Variants in PCDH15 observed in about 807,000 individuals in gnomAD.
PCDH15 encodes protocadherin related 15.
A neutral mutation model predicts 178.5 loss-of-function variants in PCDH15; 129 were observed. That is an observed-to-expected ratio of 0.72 (90% CI 0.63 to 0.84). The LOEUF is 0.84. Among genes scored for constraint, PCDH15 ranks in the 40% least tolerant of loss-of-function variants. The pLI, the probability that PCDH15 is intolerant of heterozygous loss-of-function variation, is 0.00. For synonymous variants in PCDH15, 800 were observed against 732.0 expected, an observed-to-expected ratio of 1.09 and a Z score of -1.50; for missense variants, 2,230 against 2,099.9, an observed-to-expected ratio of 1.06 and a Z score of -1.21.
chr10:55,474,517 AT>A (rs1840026124), intron 2 of PCDH15, among the ~76,000 whole-genome samples: 1 of 152,206 alleles, frequency 6.6e-6, no homozygotes. Context: ...ACAGGTGAGA[AT>A]CTGTCTCCAT....
intron 2 of PCDH15, among the ~76,000 whole-genome samples, chr10:54,567,163 C>T (rs2089167531): frequency 6.6e-6 from 1 of 152,074 alleles, no homozygotes; most frequent in Non-Finnish European, 1.5e-5. Flanking sequence ...GTTTTTGGCC[C>T]ATTTTTAAAA....
At chr10:55,102,716 T>C (rs1842600846) in intron 2 of PCDH15, among the ~76,000 whole-genome samples, 1 of 152,112 alleles carries the variant, frequency 6.6e-6, no homozygotes, top group African/African-American at 2.4e-5. Flanking sequence ...TGAAAATCTA[T>C]GTATAACTTT....
intron 3 of PCDH15, among the ~76,000 whole-genome samples, chr10:54,491,065 G>A (rs916076828): frequency 6.6e-6 from 1 of 152,124 alleles, no homozygotes; most frequent in African/African-American, 2.4e-5. Flanking sequence ...ACGTATAAGG[G>A]AAAGGCAGCT....
intron 15 of PCDH15, among the ~76,000 whole-genome samples, chr10:54,091,422 G>A (rs2094598908): frequency 6.6e-6 from 1 of 152,158 alleles, no homozygotes; most frequent in Non-Finnish European, 1.5e-5. Context: ...AAGAGGCTGA[G>A]TGTGAAATTC....
At chr10:55,038,876 C>G (rs571824298) in intron 2 of PCDH15, among the ~76,000 whole-genome samples, 2 of 152,134 alleles carry the variant, frequency 1.3e-5, no homozygotes, top group South Asian at 4.1e-4. Context: ...TAAAAATTCT[C>G]TGACCTTAAA....
At chr10:54,811,754 C>G (rs539432161) in intron 3 of PCDH15, among the ~76,000 whole-genome samples, 5 of 152,168 alleles carry the variant, frequency 3.3e-5, no homozygotes, top group Non-Finnish European at 5.9e-5. Context: ...CAGGCGTGAG[C>G]CACCGCACCT....
At chr10:54,945,259 T>C (rs1838164873) in intron 2 of PCDH15, among the ~76,000 whole-genome samples, 1 of 151,714 alleles carries the variant, frequency 6.6e-6, no homozygotes. Context: ...ATTATGCCAA[T>C]GAAAGGGGCT....
At chr10:54,021,583 T>C (rs944639120) in intron 19 of PCDH15, among the ~76,000 whole-genome samples, 1 of 151,828 alleles carries the variant, frequency 6.6e-6, no homozygotes, top group African/African-American at 2.4e-5. Flanking sequence ...CCCAACTACT[T>C]TGAACAATCT....
intron 1 of PCDH15, among the ~76,000 whole-genome samples, chr10:55,211,517 A>C (rs1840571838): frequency 6.6e-6 from 1 of 152,134 alleles, no homozygotes; most frequent in Admixed American, 6.5e-5. Context: ...ACTAGTGTTA[A>C]GTGCTTGGCT....
intron 2 of PCDH15, among the ~76,000 whole-genome samples, chr10:55,341,819 T>A (rs1236535776): frequency 1.2e-4 from 11 of 89,094 alleles, no homozygotes; most frequent in East Asian, 5.9e-4. Context: ...TTTTTTTTTT[T>A]TTTTTTTTTT....
At chr10:53,862,438 C>A (rs1025133249) in intron 27 of PCDH15, among the ~76,000 whole-genome samples, 1 of 152,120 alleles carries the variant, frequency 6.6e-6, no homozygotes, top group Admixed American at 6.5e-5. Context: ...CTGAACACTG[C>A]AGATATTGTA....
chr10:54,045,627 C>A (rs115810310), intron 18 of PCDH15, among the ~76,000 whole-genome samples: 2 of 151,842 alleles, frequency 1.3e-5, no homozygotes, highest in Non-Finnish European at 2.9e-5. Context: ...ATATGTATTG[C>A]GAGTCAGTGG....
At chr10:55,209,450 G>T (rs1323720757) in intron 1 of PCDH15, among the ~76,000 whole-genome samples, 1 of 152,068 alleles carries the variant, frequency 6.6e-6, no homozygotes, top group Non-Finnish European at 1.5e-5. Flanking sequence ...GGAGGCTATT[G>T]TACTGGTCTA....
At chr10:54,291,300 A>T (rs2059387560) in intron 8 of PCDH15, among the ~76,000 whole-genome samples, 1 of 151,740 alleles carries the variant, frequency 6.6e-6, no homozygotes. Flanking sequence ...ACATTCCAGA[A>T]TCTCTGGGAC....
At chr10:54,504,183 TGGC>T (rs2080968544) in intron 3 of PCDH15, among the ~76,000 whole-genome samples, 3 of 152,122 alleles carry the variant, frequency 2.0e-5, no homozygotes, top group Non-Finnish European at 4.4e-5. Flanking sequence ...GGATGTGACT[TGGC>T]AATTTACTTC....
At chr10:55,162,039 T>C (rs1186053175) in intron 2 of PCDH15, among the ~76,000 whole-genome samples, 5 of 152,122 alleles carry the variant, frequency 3.3e-5, no homozygotes. Flanking sequence ...AGGTGGTAAT[T>C]ATCTGAGTGA....
intron 2 of PCDH15, among the ~76,000 whole-genome samples, chr10:55,043,598 T>C (rs1840922119): frequency 6.6e-6 from 1 of 151,846 alleles, no homozygotes; most frequent in African/African-American, 2.4e-5. Flanking sequence ...TAGTCCCAGC[T>C]ACTCGGGAGA....
chr10:54,198,743 C>T (rs1052626913), intron 10 of PCDH15, among the ~76,000 whole-genome samples: 4 of 147,708 alleles, frequency 2.7e-5, no homozygotes, highest in African/African-American at 1.0e-4. Context: ...CCTCGTGATC[C>T]GCCCGCCTCG....
chr10:54,980,363 T>C (rs1260961917), intron 2 of PCDH15, among the ~76,000 whole-genome samples: 2 of 152,168 alleles, frequency 1.3e-5, no homozygotes, highest in Non-Finnish European at 2.9e-5. Flanking sequence ...ATACTCTTTT[T>C]TTAATTAAAA....
Sources: gnomAD v4.1 joint callset for allele counts (sites outside exome capture counted in the v4.1 genomes callset) on GRCh38, gnomAD v4.1.1 for gene constraint, MANE v1.5 for transcripts, NCBI Gene and HGNC (gene_info 2026-07-23, HGNC 2026-07-21) for gene names.